SENP7: variants seen among roughly 807,000 people sequenced by gnomAD.
SENP7 encodes SUMO specific peptidase 7.
SENP7 carries 64 observed loss-of-function variants against 141.2 expected under a neutral mutation model. That is an observed-to-expected ratio of 0.45 (90% CI 0.37 to 0.56). The LOEUF (loss-of-function observed/expected upper bound fraction) is 0.56. SENP7 is among the 20% of genes least tolerant of loss of function. The pLI is 0.00. For missense variants in SENP7, 1,025 were observed against 1,212.2 expected, an observed-to-expected ratio of 0.85 and a Z score of 2.29; for synonymous variants, 382 against 426.4, an observed-to-expected ratio of 0.90 and a Z score of 1.28.
At chr3:101,476,428 C>T (rs762014891) in intron 3 of SENP7, among the ~76,000 whole-genome samples, 4 of 152,284 alleles carry the variant, frequency 2.6e-5, no homozygotes, top group South Asian at 4.2e-4. Flanking sequence ...AGGACATGAA[C>T]TCATTCTTTT....
At chr3:101,365,049 T>C in intron 9 of SENP7, 58 bp from the exon 10 acceptor site, 3 of 1,179,884 alleles carry the variant, frequency 2.5e-6, no homozygotes, top group Non-Finnish European at 3.3e-6. Context: ...TATTTATTTT[T>C]TGAGACACAG....
In SENP7 at chr3:101,331,969, A is replaced by G; in HGVS notation, c.2698+16T>C. 1 of 1,611,544 alleles carries G rather than the reference A, an allele frequency of 6.2e-7. No individual in the cohort carries two copies. Among genetic ancestry groups the G allele is most frequent in the Non-Finnish European group, 8.5e-7 (1 of 1,178,334 alleles). ...GTCATCATTATTAAAAACACCATCT[A>G]CGTTATGGATGTCACCTATTGTTTT... On this transcript the variant is annotated intron_variant, in intron 19 of 23. Coordinates refer to ENST00000394095, the MANE Select transcript of SENP7 (RefSeq NM_020654.5).
chr3:101,344,819 T>G (rs2059412848), intron 13 of SENP7, among the ~76,000 whole-genome samples: 1 of 151,852 alleles, frequency 6.6e-6, no homozygotes, highest in Non-Finnish European at 1.5e-5. Flanking sequence ...CTGTCAGAGT[T>G]TGTCATGACC....
At chr3:101,506,917 C>T (rs2065640434) in intron 1 of SENP7, among the ~76,000 whole-genome samples, 1 of 152,050 alleles carries the variant, frequency 6.6e-6, no homozygotes, top group Admixed American at 6.6e-5. Flanking sequence ...AAAAAATAGC[C>T]AGGCATGATA....
At chr3:101,336,987 A>G (rs2059203315) in intron 17 of SENP7, 1 of 152,312 alleles carries the variant, frequency 6.6e-6, no homozygotes. Context: ...TCAATGCAGG[A>G]AATTGGCTAT....
chr3:101,406,175 G>C (rs1042977485), intron 5 of SENP7, among the ~76,000 whole-genome samples: 4 of 152,114 alleles, frequency 2.6e-5, no homozygotes, highest in Non-Finnish European at 1.5e-5. Context: ...CAAAGACTTG[G>C]AACCAAGCCA....
chr3:101,436,815 A>C (rs2107743951), intron 4 of SENP7, among the ~76,000 whole-genome samples: 1 of 152,366 alleles, frequency 6.6e-6, no homozygotes, highest in East Asian at 1.9e-4. Context: ...GGGAACACTT[A>C]CACACTTTAG....
chr3:101,375,201 AT>A (rs1360787572), intron 6 of SENP7, among the ~76,000 whole-genome samples: 1 of 152,192 alleles, frequency 6.6e-6, no homozygotes, highest in Non-Finnish European at 1.5e-5. Context: ...TCACTGTGGA[AT>A]GGTTTGGTGG....
rs972514005 is a variant in SENP7 at position 101,348,136 on chromosome 3, A to G, written c.1658-85T>C. 1.3e-4 allele frequency: 105 copies of G among 832,458 alleles called. 1 individual carries two copies. Among genetic ancestry groups the G allele is most frequent in the Admixed American group, 3.1e-5 (1 of 32,406 alleles). 51.6% of individuals were successfully genotyped at this position (832,458 alleles called of 1,614,324 possible). On this transcript the variant is annotated intron_variant, in intron 12 of 23. Coordinates refer to ENST00000394095, the MANE Select transcript of SENP7 (RefSeq NM_020654.5). ...AACATTATATGACACTTGTTAATAC[A>G]CTACTTTTTTTAAAAAAAAGAGAAT...
rs543979206 is a variant in SENP7, at chr3:101,468,101, G to A, written c.187-9049C>T. Reference sequence around the variant, plus strand: ...GACAATTCAGTCAAGTGGAAGAAAGGGTATCAGTGATTGAAGATCAGATTA... The same window carrying A: ...GACAATTCAGTCAAGTGGAAGAAAGAGTATCAGTGATTGAAGATCAGATTA... On this transcript the variant is annotated intron_variant, in intron 3 of 23. Transcript: ENST00000394095. 3.9e-5 allele frequency among the ~76,000 whole-genome samples: 6 copies of A among 152,112 alleles called. No individual in the cohort carries two copies. The South Asian group carries it at 1.2e-3, about 32-fold the overall frequency.
intron 4 of SENP7, among the ~76,000 whole-genome samples, chr3:101,431,016 C>G (rs1484203849): frequency 6.6e-6 from 1 of 152,154 alleles, no homozygotes; most frequent in Admixed American, 6.5e-5. Flanking sequence ...ATCCTGAGTT[C>G]TAATTTGATT....
At chr3:101,443,217 C>T (rs34128890) in intron 4 of SENP7, among the ~76,000 whole-genome samples, 9,802 of 152,172 alleles carry the variant, frequency 0.064, 455 homozygotes, top group Non-Finnish European at 0.097. Context: ...ATCCTTTCCC[C>T]ATTGCTTGTT....
Position 101,347,996 on chromosome 3 carries a change from C to T in SENP7, c.1713G>A (p.Gly571=), listed in dbSNP as rs762472512. 1.2e-5 allele frequency: 19 copies of T among 1,611,466 alleles called. No individual in the cohort carries two copies. The highest frequency in any genetic ancestry group is 1.4e-5 in the Non-Finnish European group (17 of 1,178,660). The change falls in exon 13 of 24, where the codon GGG becomes GGA. Residue 571 remains glycine (G), a synonymous_variant. Coordinates refer to ENST00000394095, the MANE Select transcript of SENP7 (RefSeq NM_020654.5). The part of the protein sequence containing the change: ...LVDTTHLKRF[G]LWKSKDDNHS... Reference sequence around the variant, plus strand: ...GATTATCATCCTTACTTTTCCATAACCCAAACCGCTTTAAATGTGTGGTAT... The same window carrying T: ...GATTATCATCCTTACTTTTCCATAATCCAAACCGCTTTAAATGTGTGGTAT...
At chr3:101,414,741 T>C in intron 5 of SENP7, 1 of 658,106 alleles carries the variant, frequency 1.5e-6, no homozygotes, top group South Asian at 2.0e-5. Context: ...AAATTAAGGA[T>C]GGCCACAAGT....
At chr3:101,468,511 C>G (rs922937525) in intron 3 of SENP7, among the ~76,000 whole-genome samples, 1 of 152,110 alleles carries the variant, frequency 6.6e-6, no homozygotes, top group Non-Finnish European at 1.5e-5. Context: ...GTGGATCTCT[C>G]GGAAGAAACC....
chr3:101,401,600 C>T (rs1478455258), intron 5 of SENP7, among the ~76,000 whole-genome samples: 2 of 151,128 alleles, frequency 1.3e-5, no homozygotes, highest in Non-Finnish European at 1.5e-5. Context: ...GAAAGCAAAA[C>T]AGTCTTACTG....
chr3:101,423,644 G>A (rs900155071), intron 4 of SENP7, among the ~76,000 whole-genome samples: 28 of 152,122 alleles, frequency 1.8e-4, no homozygotes, highest in African/African-American at 5.8e-4. Flanking sequence ...CCAAGACGAT[G>A]GGTGCACTCC....
In SENP7 at chr3:101,453,043, A is replaced by T. The variant is rs1458670718; in HGVS notation, c.284+5912T>A. On this transcript the variant is annotated intron_variant, in intron 4 of 23. Transcript: ENST00000394095. ...AGAAAAAAACAAACAACCCCATCAAAAAGTGGGTGAAGGATATGAACAGAC... is the reference window on the plus strand; with the variant it reads ...AGAAAAAAACAAACAACCCCATCAATAAGTGGGTGAAGGATATGAACAGAC... 6.6e-5 allele frequency among the ~76,000 whole-genome samples: 10 copies of T among 152,316 alleles called. No individual in the cohort carries two copies. In the East Asian group the frequency reaches 1.2e-3, roughly 18 times the overall value.
Position 101,332,856 on chromosome 3 carries a change from T to C in SENP7, c.2487A>G (p.Ala829=), listed in dbSNP as rs2059091411. The part of the protein sequence containing the change: ...LTEDNPNLSM[A]QRRHKRVRTW... ...TTCTTACTCTTTTATGTCTTCTCTG[T>C]GCCATTCTGAGAGTATGAAAGACAG... The change falls in exon 18 of 24, where the codon GCA becomes GCG. Residue 829 remains alanine, a synonymous_variant. Transcript: ENST00000394095. 1.3e-6 allele frequency: 2 copies of C among 1,579,462 alleles called. No homozygotes were observed. The highest frequency in any genetic ancestry group is 1.7e-6 in the Non-Finnish European group (2 of 1,167,600).
Sources: allele counts gnomAD v4.1 joint callset (sites outside exome capture counted in the v4.1 genomes callset), GRCh38; gene constraint gnomAD v4.1.1; transcripts MANE v1.5; gene names NCBI Gene and HGNC (gene_info 2026-07-23, HGNC 2026-07-21).